TMTC2: variants seen among roughly 807,000 people sequenced by gnomAD.
TMTC2 encodes the protein transmembrane O-mannosyltransferase targeting cadherins 2.
TMTC2 carries 43 observed loss-of-function variants against 82.4 expected under a neutral mutation model. That is an observed-to-expected ratio of 0.52 (90% CI 0.41 to 0.67). TMTC2 has a LOEUF of 0.67. Among genes scored for constraint, TMTC2 ranks in the 30% least tolerant of loss-of-function variants. TMTC2 has a pLI of 0.00. For missense variants in TMTC2, 919 were observed against 1,012.4 expected (o/e 0.91, Z 1.25); for synonymous variants, 408 against 381.9 (o/e 1.07, Z -0.80).
rs1565832231 is a variant in TMTC2 at position 82,966,940 on chromosome 12, GAA to G, written c.1892_1893del (p.Glu631GlyfsTer20). On this transcript the variant is annotated frameshift_variant, in exon 7 of 12. Transcript: ENST00000321196. LOFTEE classifies it high-confidence loss of function. ...TTAGGAAGCCCTTAGTGTATACAAG[GAA>G]GCAATTCAGAAAATGCCAAGGCAGT... Reference protein sequence around the residue: ...HYEEALSVYKEAIQKMPRQFA... With the variant: ...HYEEALSVYKXAIQKMPRQFA... 6.2e-7 allele frequency: 1 copy of G among 1,612,856 alleles called. No homozygotes were observed. Among genetic ancestry groups the G allele is most frequent in the Admixed American group, 1.7e-5 (1 of 59,932 alleles).
chr12:82,827,432 C>T (rs150239172), intron 1 of TMTC2, among the ~76,000 whole-genome samples: 28 of 152,226 alleles, frequency 1.8e-4, no homozygotes, highest in African/African-American at 5.5e-4. Flanking sequence ...TCATTCTTGC[C>T]GGCATTCAAG....
chr12:82,938,037 C>T (rs2708002), intron 4 of TMTC2, among the ~76,000 whole-genome samples: 129,532 of 150,466 alleles, frequency 0.86, 56,306 homozygotes, highest in East Asian at 0.97. Flanking sequence ...GCCTCAGCCT[C>T]CTGAGTAGCT....
intron 8 of TMTC2, among the ~76,000 whole-genome samples, chr12:83,006,269 G>A (rs1473756920): frequency 1.3e-5 from 2 of 151,992 alleles, no homozygotes; most frequent in Non-Finnish European, 2.9e-5. Flanking sequence ...AACTCTTAGT[G>A]TTTTCTCCCA....
intron 1 of TMTC2, among the ~76,000 whole-genome samples, chr12:82,856,703 A>G (rs1261708379): frequency 6.6e-6 from 1 of 152,234 alleles, no homozygotes. Context: ...AGTATGTCAC[A>G]TGATTTTCAG....
intron 3 of TMTC2, among the ~76,000 whole-genome samples, chr12:82,900,890 TGGAATATATATATA>T (rs1303386638): frequency 1.4e-4 from 17 of 121,626 alleles, no homozygotes; most frequent in Middle Eastern, 0.011. Flanking sequence ...TATATATACC[TGGAATATATATATA>T]GGAATATATA....
intron 9 of TMTC2, among the ~76,000 whole-genome samples, chr12:83,039,433 A>G (rs192707689): frequency 1.5e-4 from 23 of 152,048 alleles, no homozygotes; most frequent in African/African-American, 4.6e-4. Flanking sequence ...CAAATATGAT[A>G]TTTGATGAAT....
At chr12:83,099,166 G>A (rs11115585) in intron 11 of TMTC2, among the ~76,000 whole-genome samples, 20,874 of 152,046 alleles carry the variant, frequency 0.14, 1,599 homozygotes, top group East Asian at 0.26. Context: ...TCAAATGAAT[G>A]AAATATAAGG....
intron 1 of TMTC2, among the ~76,000 whole-genome samples, chr12:82,779,417 A>T (rs888647703): frequency 6.6e-6 from 1 of 152,144 alleles, no homozygotes; most frequent in East Asian, 1.9e-4. Flanking sequence ...CACATTTATT[A>T]TAACTAGAAA....
At chr12:82,977,064 G>T (rs1486786064) in intron 7 of TMTC2, among the ~76,000 whole-genome samples, 1 of 151,970 alleles carries the variant, frequency 6.6e-6, no homozygotes, top group East Asian at 1.9e-4. Flanking sequence ...GTAGCAGAAA[G>T]ATTATAATTG....
intron 8 of TMTC2, among the ~76,000 whole-genome samples, chr12:82,998,604 C>A (rs960938179): frequency 2.0e-5 from 3 of 152,142 alleles, no homozygotes; most frequent in Non-Finnish European, 2.9e-5. Context: ...TATTTAAAAT[C>A]TTTTCCTCAC....
Position 83,105,522 on chromosome 12 carries a change from C to T in TMTC2, c.2332-26688C>T, listed in dbSNP as rs371063407. On this transcript the variant is annotated intron_variant, in intron 11 of 11. Coordinates refer to ENST00000321196, the MANE Select transcript of TMTC2 (RefSeq NM_152588.3). ...TAGCAGAAGATGAAGCAGGAGTTGGCACTTCACATGGTGAAAGCAGGAGGA... is the reference window on the plus strand; with the variant it reads ...TAGCAGAAGATGAAGCAGGAGTTGGTACTTCACATGGTGAAAGCAGGAGGA... Among the ~76,000 whole-genome samples, 9 of 152,268 alleles carry T rather than the reference C, an allele frequency of 5.9e-5. No individual in the cohort carries two copies. The East Asian group carries it at 1.7e-3, about 29-fold the overall frequency.
chr12:82,699,100 C>A lies in TMTC2; in HGVS notation c.83+11431C>A, dbSNP rs150615578. Among the ~76,000 whole-genome samples, 79 of 152,288 alleles carry A rather than the reference C, an allele frequency of 5.2e-4. No homozygotes were observed. In the Middle Eastern group the frequency reaches 0.017, roughly 33 times the overall value. On this transcript the variant is annotated intron_variant, in intron 1 of 11. Transcript: ENST00000321196. ...ATCTCACTCTCATCTCCCGTGAGAA[C>A]AGAGCCATGCCCTACTTTGATGCTG...
chr12:83,095,537 T>G (rs1884001920), intron 11 of TMTC2, among the ~76,000 whole-genome samples: 1 of 152,022 alleles, frequency 6.6e-6, no homozygotes, highest in Non-Finnish European at 1.5e-5. Flanking sequence ...ATCGCAAAAT[T>G]TTATGTTTTT....
At chr12:82,898,219 G>A (rs1035877011) in intron 3 of TMTC2, among the ~76,000 whole-genome samples, 3 of 152,116 alleles carry the variant, frequency 2.0e-5, no homozygotes, top group Admixed American at 2.0e-4. Flanking sequence ...CCTAGGTGGC[G>A]AGTACTTCAC....
chr12:82,909,186 A>T (rs1039994028), intron 3 of TMTC2, among the ~76,000 whole-genome samples: 6 of 152,174 alleles, frequency 3.9e-5, no homozygotes, highest in Admixed American at 1.3e-4. Flanking sequence ...TTTCAGGCAG[A>T]TCACAGTTTA....
At chr12:82,848,880 A>G (rs1041942131) in intron 1 of TMTC2, among the ~76,000 whole-genome samples, 3 of 152,142 alleles carry the variant, frequency 2.0e-5, no homozygotes, top group Non-Finnish European at 4.4e-5. Flanking sequence ...TTTGCAAATG[A>G]GCATTGGTGG....
At chr12:82,695,416 A>C (rs1426548089) in intron 1 of TMTC2, among the ~76,000 whole-genome samples, 1 of 152,206 alleles carries the variant, frequency 6.6e-6, no homozygotes, top group Non-Finnish European at 1.5e-5. Context: ...TAGGTCATAG[A>C]TCTGTGTTAA....
chr12:82,971,593 C>T (rs1429309438), intron 7 of TMTC2, among the ~76,000 whole-genome samples: 6 of 151,974 alleles, frequency 3.9e-5, no homozygotes, highest in Admixed American at 2.6e-4. Flanking sequence ...TCCCAGAGGT[C>T]GTTTTACGCC....
chr12:82,867,053 G>A (rs1015963387), intron 2 of TMTC2, among the ~76,000 whole-genome samples: 11 of 152,298 alleles, frequency 7.2e-5, no homozygotes, highest in Middle Eastern at 6.8e-3. Flanking sequence ...GGGAAGAATA[G>A]CATCTTCGAA....
Sources: allele counts gnomAD v4.1 joint callset (sites outside exome capture counted in the v4.1 genomes callset), GRCh38; gene constraint gnomAD v4.1.1; transcripts MANE v1.5; gene names NCBI Gene and HGNC (gene_info 2026-07-23, HGNC 2026-07-21).